The following ZNF595 variants were observed in gnomAD, a reference collection of about 807,000 sequenced individuals.
ZNF595 encodes zinc finger protein 595.
ZNF595 carries 9 observed loss-of-function variants against 19.4 expected under a neutral mutation model. That is an observed-to-expected ratio of 0.46 (90% CI 0.28 to 0.81). ZNF595 has a LOEUF of 0.81. Ranked by LOEUF, ZNF595 falls within the 30% of genes least tolerant of loss-of-function variation. The pLI, the probability that ZNF595 is intolerant of heterozygous loss-of-function variation, is 0.11. For synonymous variants in ZNF595, 255 were observed against 255.9 expected, an observed-to-expected ratio of 1.00 and a Z score of 0.03; for missense variants, 729 against 736.0, an observed-to-expected ratio of 0.99 and a Z score of 0.11.
chr4:63,737 TTTGTGACCCAGCAGCACCC>T (rs1403498247), intron 3 of ZNF595, among the ~76,000 whole-genome samples: 251 of 147,884 alleles, frequency 1.7e-3, no homozygotes, highest in Middle Eastern at 7.2e-3. Flanking sequence ...GAGATGGGGT[TTTGTGACCCAGCAGCACCC>T]TTGTGACCCA....
At chr4:76,176 A>G (rs950549787) in intron 3 of ZNF595, among the ~76,000 whole-genome samples, 1 of 152,168 alleles carries the variant, frequency 6.6e-6, no homozygotes, top group Non-Finnish European at 1.5e-5. Context: ...TTATCAGCAT[A>G]AGCCATCAGA....
chr4:78,712 A>G (rs554139609), intron 3 of ZNF595, among the ~76,000 whole-genome samples: 1 of 152,208 alleles, frequency 6.6e-6, no homozygotes, highest in African/African-American at 2.4e-5. Flanking sequence ...TAACTTAAAC[A>G]TTTTCTTTCT....
chr4:70,616 A>G (rs1184218923), intron 3 of ZNF595, among the ~76,000 whole-genome samples: 1 of 152,210 alleles, frequency 6.6e-6, no homozygotes, highest in Non-Finnish European at 1.5e-5. Context: ...GGGATTAGGC[A>G]TGAGTCAGCA....
At chr4:66,869 G>A (rs1487233538) in intron 3 of ZNF595, among the ~76,000 whole-genome samples, 1 of 151,740 alleles carries the variant, frequency 6.6e-6, no homozygotes, top group Non-Finnish European at 1.5e-5. Flanking sequence ...GAAACGTTGT[G>A]CATGTAACTT....
At chr4:82,371 GGT>G (rs1491197415) in intron 3 of ZNF595, among the ~76,000 whole-genome samples, 1,847 of 97,608 alleles carry the variant, frequency 0.019, 267 homozygotes, top group African/African-American at 0.057. Context: ...TTTGGTTTGT[GGT>G]TTTTTTTTTT....
At chr4:71,777 C>T (rs1320871730) in intron 3 of ZNF595, among the ~76,000 whole-genome samples, 1 of 152,066 alleles carries the variant, frequency 6.6e-6, no homozygotes, top group Non-Finnish European at 1.5e-5. Context: ...GCTGGTCAGC[C>T]AATGGAAAGC....
intron 3 of ZNF595, among the ~76,000 whole-genome samples, chr4:85,304 G>C (rs1714085498): frequency 6.6e-6 from 1 of 152,188 alleles, no homozygotes; most frequent in Non-Finnish European, 1.5e-5. Flanking sequence ...AGCTCTCTGT[G>C]TTGTTGGAGA....
In ZNF595 at chr4:86,940, C is replaced by G. The variant is rs782073339; in HGVS notation, c.1436C>G (p.Pro479Arg). ...EHKKIHTGEKPYKCEECGKAF... is the reference protein window; with the variant it reads ...EHKKIHTGEKRYKCEECGKAF... ...AAGAAAATTCATACTGGCGAGAAACCCTACAAATGTGAAGAATGTGGCAAA... is the reference window on the plus strand; with the variant it reads ...AAGAAAATTCATACTGGCGAGAAACGCTACAAATGTGAAGAATGTGGCAAA... The change falls in exon 4 of 4, where the codon CCC becomes CGC. Residue 479 changes from proline (P) to arginine (R), a missense_variant. By Grantham distance (103) the Pro-to-Arg change is moderately radical (BLOSUM62 -2). Coordinates refer to ENST00000610261, the MANE Select transcript of ZNF595 (RefSeq NM_182524.4). 6.8e-6 allele frequency: 11 copies of G among 1,610,546 alleles called. No homozygotes were observed. The African/African-American group carries it at 1.3e-4, about 20-fold the overall frequency.
chr4:86,829 A>C lies in ZNF595; in HGVS notation c.1325A>C (p.His442Pro). 1 of 1,613,916 alleles carries C rather than the reference A, an allele frequency of 6.2e-7. No homozygotes were observed. The highest frequency in any genetic ancestry group is 8.5e-7 in the Non-Finnish European group (1 of 1,179,892). ...AFNQSSTLIL[H>P]KRIHSGQKPY... ...AACCAATCCTCAACTCTTATATTAC[A>C]CAAGAGAATCCATTCTGGGCAAAAA... The change falls in exon 4 of 4, where the codon CAC becomes CCC. Residue 442 changes from histidine (H) to proline (P), a missense_variant. His to Pro is a moderately conservative substitution (Grantham distance 77). Transcript: ENST00000610261.
intron 3 of ZNF595, among the ~76,000 whole-genome samples, chr4:81,928 G>T (rs1553799993): frequency 1.3e-5 from 2 of 152,080 alleles, no homozygotes; most frequent in Admixed American, 1.3e-4. Flanking sequence ...TGAGAAATTT[G>T]CATTGCTTTC....
At chr4:82,078 A>G (rs1713930095) in intron 3 of ZNF595, among the ~76,000 whole-genome samples, 1 of 152,040 alleles carries the variant, frequency 6.6e-6, no homozygotes, top group African/African-American at 2.4e-5. Flanking sequence ...CCCATACTAA[A>G]TTTTTTAAGT....
rs1231271030 is a variant in ZNF595 at position 88,171 on chromosome 4, T to A, written c.*720T>A. ...TATTTATCTTTGAACATGTAGCATC[T>A]CTTTCCGCAAATAAATGCAGACTTT... On this transcript the variant is annotated 3_prime_UTR_variant, in exon 4 of 4. Transcript: ENST00000610261. 1 of 152,184 alleles carries A rather than the reference T, an allele frequency of 6.6e-6. No homozygotes were observed. The highest frequency in any genetic ancestry group is 1.5e-5 in the Non-Finnish European group (1 of 68,028). The allele number at this position is 152,184 out of a possible 1,614,324, so 9.4% of individuals were successfully genotyped here. A position where few individuals can be genotyped will look rare whatever the true frequency, so the allele number is the denominator to read the frequency against.
At chr4:53,551 ATGG>A in intron 1 of ZNF595, 60 bp downstream of exon 1, 2 of 1,344,430 alleles carry the variant, frequency 1.5e-6, no homozygotes, top group Non-Finnish European at 2.0e-6. Flanking sequence ...CCGGCGGGAA[ATGG>A]CGGCGGCGGG....
At chr4:85,627 CTATCTTACTAATGCAGTTTG>C in intron 3 of ZNF595, 84 bp from the exon 4 acceptor site, 1 of 1,298,428 alleles carries the variant, frequency 7.7e-7, no homozygotes, top group Non-Finnish European at 1.0e-6. Context: ...TTTTGTTATG[CTATCTTACTAATGCAGTTTG>C]TATACATTTT....
intron 3 of ZNF595, among the ~76,000 whole-genome samples, chr4:66,339 T>G (rs1231547615): frequency 1.3e-5 from 2 of 151,756 alleles, no homozygotes; most frequent in African/African-American, 4.8e-5. Context: ...TTTTGTTTTT[T>G]TTTTTGGAGT....
chr4:86,991 A>G lies in ZNF595; in HGVS notation c.1487A>G (p.Asn496Ser). The G allele has an allele frequency of 3.7e-6, 6 of 1,613,152 alleles. No individual in the cohort carries two copies. The highest frequency in any genetic ancestry group is 5.1e-6 in the Non-Finnish European group (6 of 1,179,764). ...GKAFIWSASL[N>S]EHKNIHTGEK... is the part of the protein sequence containing the mutation. ...GCTTTCATATGGTCCGCAAGCCTGAATGAACATAAGAATATTCATACTGGA... is the reference window on the plus strand; with the variant it reads ...GCTTTCATATGGTCCGCAAGCCTGAGTGAACATAAGAATATTCATACTGGA... Residue 496 changes from asparagine to serine, a missense_variant, in exon 4 of 4, where the codon AAT becomes AGT. By Grantham distance (46) the Asn-to-Ser change is conservative (BLOSUM62 1). Around this residue, in one of 2 missense-constraint regions of ZNF595, gnomAD observed 729 missense variants for 675.3 expected, o/e 1.08. Coordinates refer to ENST00000610261, the MANE Select transcript of ZNF595 (RefSeq NM_182524.4).
At chr4:79,675 G>GTTTTTTTTTT (rs202205324) in intron 3 of ZNF595, among the ~76,000 whole-genome samples, 4 of 127,510 alleles carry the variant, frequency 3.1e-5, no homozygotes, top group Admixed American at 7.7e-5. Flanking sequence ...CAGCTTTGTT[G>GTTTTTTTTTT]TTTTTTTTTT....
chr4:81,251 C>G (rs1713896406), intron 3 of ZNF595, among the ~76,000 whole-genome samples: 1 of 152,250 alleles, frequency 6.6e-6, no homozygotes, highest in African/African-American at 2.4e-5. Flanking sequence ...ACTGTGTACA[C>G]TAAGTATGGG....
chr4:73,924 C>T (rs572512903), intron 3 of ZNF595, among the ~76,000 whole-genome samples: 4 of 151,908 alleles, frequency 2.6e-5, no homozygotes, highest in South Asian at 2.1e-4. Flanking sequence ...CTGTGCTGAC[C>T]GTGGTGTTGT....
Sources: gnomAD v4.1 joint callset for allele counts (sites outside exome capture counted in the v4.1 genomes callset) on GRCh38, gnomAD v4.1.1 for gene constraint, gnomAD v4.1.1 regional missense constraint, MANE v1.5 for transcripts, NCBI Gene and HGNC (gene_info 2026-07-23, HGNC 2026-07-21) for gene names.